The following PRAMEF15 variants were observed in gnomAD, a reference collection of about 807,000 sequenced individuals.
The protein encoded by PRAMEF15 is PRAME family member 9/15.
A neutral mutation model predicts 35.3 loss-of-function variants in PRAMEF15; 21 were observed. The ratio of observed to expected loss-of-function variants is 0.59; its 90% confidence interval spans 0.42 to 0.86. The LOEUF (loss-of-function observed/expected upper bound fraction) is 0.86. Ranked by LOEUF, PRAMEF15 falls within the 40% of genes least tolerant of loss-of-function variation. The probability of loss-of-function intolerance (pLI) is 0.00; values close to 1 mark genes in which losing one functional copy is unlikely to be tolerated. For missense variants in PRAMEF15, 360 were observed against 574.1 expected (o/e 0.63, Z 3.81); for synonymous variants, 122 against 223.3 (o/e 0.55, Z 4.05).
At chr1:13,316,466 G>T (rs1193391857) in intron 1 of PRAMEF15, among the ~76,000 whole-genome samples, 16,889 of 149,624 alleles carry the variant, frequency 0.11, 1,865 homozygotes, top group East Asian at 0.27. Flanking sequence ...ATCTTTGACC[G>T]TAATTTTAAA....
chr1:13,316,547 T>A (rs1212612178), intron 1 of PRAMEF15, among the ~76,000 whole-genome samples: 4 of 151,954 alleles, frequency 2.6e-5, no homozygotes, highest in East Asian at 1.9e-4. Flanking sequence ...CCCAGCTATG[T>A]GGAAGGCTGA....
At chr1:13,320,571 G>A (rs1640070861) in intron 3 of PRAMEF15, among the ~76,000 whole-genome samples, 2 of 151,974 alleles carry the variant, frequency 1.3e-5, no homozygotes, top group African/African-American at 4.8e-5. Context: ...TTACAGGCGT[G>A]AGCCACCACA....
chr1:13,318,086 A>T (rs1327465458), intron 1 of PRAMEF15, among the ~76,000 whole-genome samples: 50 of 149,372 alleles, frequency 3.3e-4, no homozygotes, highest in South Asian at 8.7e-4. Context: ...AGTAATTAGT[A>T]ATTTCCCCCA....
Position 13,322,130 on chromosome 1 carries a change from C to T in PRAMEF15, c.1303C>T (p.Gln435Ter), listed in dbSNP as rs1211077031. Residue 435 changes from glutamine (Q) to a stop codon, truncating the protein, a stop_gained, in exon 4 of 4, where the codon CAA (glutamine) becomes TAA (stop). Transcript: ENST00000376152. LOFTEE classifies it high-confidence loss of function. Reference sequence around the variant, plus strand: ...TACTCTCTGCTGGAGCAGATTTGCTCAAATTAGGGCTGAGCTGATGAACAG... The same window carrying T: ...TACTCTCTGCTGGAGCAGATTTGCTTAAATTAGGGCTGAGCTGATGAACAG... ...DGTLCWSRFA[Q>*]IRAELMNRVR... 44 of 1,608,854 alleles carry T rather than the reference C, an allele frequency of 2.7e-5. No individual in the cohort carries two copies. Among genetic ancestry groups the T allele is most frequent in the Non-Finnish European group, 3.6e-5 (43 of 1,179,002 alleles).
intron 1 of PRAMEF15, among the ~76,000 whole-genome samples, chr1:13,316,211 C>T (rs1640000462): frequency 6.6e-6 from 1 of 151,676 alleles, no homozygotes; most frequent in African/African-American, 2.4e-5. Context: ...ACCACGCTGG[C>T]CAGGTTGGTC....
intron 2 of PRAMEF15, among the ~76,000 whole-genome samples, 189 bp downstream of exon 2, chr1:13,318,889 C>T (rs1310549360): frequency 2.6e-5 from 4 of 151,914 alleles, no homozygotes; most frequent in African/African-American, 9.6e-5. Context: ...ACAGGAACCT[C>T]TCCTCTAATG....
chr1:13,320,421 C>T (rs1363988042), intron 3 of PRAMEF15, among the ~76,000 whole-genome samples: 3 of 152,008 alleles, frequency 2.0e-5, no homozygotes, highest in African/African-American at 7.3e-5. Context: ...TAAAAACAAA[C>T]AAGATAACTT....
intron 1 of PRAMEF15, among the ~76,000 whole-genome samples, chr1:13,318,131 A>G (rs1328528160): frequency 6.6e-6 from 1 of 151,884 alleles, no homozygotes; most frequent in African/African-American, 2.4e-5. Flanking sequence ...GTTCCTCCAT[A>G]CTCACTAGTC....
intron 1 of PRAMEF15, among the ~76,000 whole-genome samples, chr1:13,318,137 T>C (rs1640030720): frequency 6.6e-6 from 1 of 152,012 alleles, no homozygotes; most frequent in South Asian, 2.1e-4. Flanking sequence ...CCATACTCAC[T>C]AGTCACTGGA....
chr1:13,321,805 G>C lies in PRAMEF15; in HGVS notation c.978G>C (p.Lys326Asn). 6.2e-7 allele frequency: 1 copy of C among 1,608,464 alleles called. No individual in the cohort carries two copies. Among genetic ancestry groups the C allele is most frequent in the South Asian group, 1.1e-5 (1 of 90,750 alleles). Residue 326 changes from lysine (K) to asparagine (N), a missense_variant, in exon 4 of 4, where the codon AAG becomes AAC. Lys to Asn is a moderately conservative substitution (Grantham distance 94, BLOSUM62 0). This residue lies in a region of PRAMEF15 where 72 missense variants were observed against 79.9 expected (regional missense o/e 0.90). Coordinates refer to ENST00000376152, the MANE Select transcript of PRAMEF15 (RefSeq NM_001098376.3). ...AGTGCCCGAGTATCAGTCAACTAAA[G>C]ACCCTGGACCTGAGTGGCATCAGAC... ...LSQCPSISQLKTLDLSGIRLT... is the reference protein window; with the variant it reads ...LSQCPSISQLNTLDLSGIRLT...
At chr1:13,318,794 G>T in intron 2 of PRAMEF15, 94 bp downstream of exon 2, 1 of 1,544,782 alleles carries the variant, frequency 6.5e-7, no homozygotes, top group Non-Finnish European at 8.8e-7. Flanking sequence ...AAGGGGGATG[G>T]TGGTGGTGAG....
chr1:13,319,289 G>T (rs1343407503), intron 2 of PRAMEF15, 83 bp from the exon 3 acceptor site: 11 of 1,590,206 alleles, frequency 6.9e-6, no homozygotes, highest in Non-Finnish European at 9.4e-6. Flanking sequence ...AAGCAGGGAG[G>T]GGAGGAGCTG....
intron 3 of PRAMEF15, among the ~76,000 whole-genome samples, 171 bp from the exon 4 acceptor site, chr1:13,321,532 C>A (rs1231200168): frequency 1.3e-5 from 2 of 151,854 alleles, no homozygotes; most frequent in Admixed American, 6.6e-5. Flanking sequence ...GAATTGACCT[C>A]AGTGGCAAAG....
chr1:13,319,379 A>G lies in PRAMEF15; in HGVS notation c.301A>G (p.Lys101Glu), dbSNP rs1239325597. 2.5e-6 allele frequency: 4 copies of G among 1,611,046 alleles called. No homozygotes were observed. Among genetic ancestry groups the G allele is most frequent in the Non-Finnish European group, 3.4e-6 (4 of 1,179,824 alleles). ...ACCTCTATTTTGCCACAGGAGGTGG[A>G]AACTCCAAGTGCTGGATTTACAGGA... ...LTQGVRPRRW[K>E]LQVLDLQDVC... is the part of the protein sequence containing the mutation. The change falls in exon 3 of 4, where the codon AAA (lysine) becomes GAA (glutamate). Residue 101 changes from lysine (K) to glutamate (E), a missense_variant. Lys to Glu is a moderately conservative substitution (Grantham distance 56). Transcript: ENST00000376152.
chr1:13,321,239 G>C (rs1237535613), intron 3 of PRAMEF15, among the ~76,000 whole-genome samples: 60 of 133,706 alleles, frequency 4.5e-4, no homozygotes, highest in East Asian at 3.6e-3. Flanking sequence ...TTTCAAAACA[G>C]AGTCTCTCTC....
chr1:13,320,518 G>T (rs1239277110), intron 3 of PRAMEF15, among the ~76,000 whole-genome samples: 2,329 of 152,182 alleles, frequency 0.015, 60 homozygotes, highest in African/African-American at 0.053. Context: ...CTGCCTCCCA[G>T]GTTCATGCGA....
chr1:13,317,060 G>C (rs1466230228), intron 1 of PRAMEF15, among the ~76,000 whole-genome samples: 3 of 151,140 alleles, frequency 2.0e-5, no homozygotes, highest in African/African-American at 4.9e-5. Context: ...AGATTAAGAA[G>C]TCTAGTCAAA....
Position 13,317,769 on chromosome 1 carries a change from C to G in PRAMEF15, c.-16-623C>G, listed in dbSNP as rs1193220986. On this transcript the variant is annotated intron_variant, in intron 1 of 3. Transcript: ENST00000376152. Reference sequence around the variant, plus strand: ...CCAGGCTGGGTGACAGAGCAAGACTCTGTCAGAAAGAGTGAGAGAGGGAGA... The same window carrying G: ...CCAGGCTGGGTGACAGAGCAAGACTGTGTCAGAAAGAGTGAGAGAGGGAGA... Among the ~76,000 whole-genome samples the G allele has an allele frequency of 1.2e-3, 181 of 150,392 alleles. 4 individuals are homozygous for G. In the Middle Eastern group the frequency reaches 0.021, roughly 17 times the overall value.
intron 1 of PRAMEF15, among the ~76,000 whole-genome samples, chr1:13,316,252 C>T (rs1640001093): frequency 1.3e-5 from 2 of 151,594 alleles, no homozygotes; most frequent in South Asian, 4.2e-4. Flanking sequence ...GATCCACCTG[C>T]CTTGGCCTCC....
Sources: gnomAD v4.1 joint callset for allele counts (sites outside exome capture counted in the v4.1 genomes callset) on GRCh38, gnomAD v4.1.1 for gene constraint, gnomAD v4.1.1 regional missense constraint, MANE v1.5 for transcripts, NCBI Gene and HGNC (gene_info 2026-07-23, HGNC 2026-07-21) for gene names.